Variants in CADPS observed in about 807,000 individuals in gnomAD.
The protein encoded by CADPS is calcium dependent secretion activator.
In CADPS, 57 loss-of-function variants were observed where a neutral mutation model predicts 167.3. The ratio of observed to expected loss-of-function variants is 0.34; its 90% CI spans 0.28 to 0.42. The LOEUF (loss-of-function observed/expected upper bound fraction) is 0.42. Ranked by LOEUF, CADPS falls within the 20% of genes least tolerant of loss-of-function variation. The probability of loss-of-function intolerance (pLI) is 1.00; values close to 1 mark genes in which losing one functional copy is unlikely to be tolerated. For missense variants in CADPS, 1,414 were observed against 1,738.1 expected (o/e 0.81, Z 3.32); for synonymous variants, 676 against 635.3 (o/e 1.06, Z -0.96).
chr3:62,510,564 G>T (rs1349710625), intron 17 of CADPS, among the ~76,000 whole-genome samples: 1 of 152,082 alleles, frequency 6.6e-6, no homozygotes, highest in African/African-American at 2.4e-5. Flanking sequence ...TGGAGGTACT[G>T]TAATTAAATT....
At chr3:62,668,443 C>T (rs1355358758) in intron 3 of CADPS, among the ~76,000 whole-genome samples, 1 of 152,142 alleles carries the variant, frequency 6.6e-6, no homozygotes, top group African/African-American at 2.4e-5. Flanking sequence ...CTAGCTTTCT[C>T]CTGCTGCCAG....
At chr3:62,847,158 T>A (rs1007616018) in intron 1 of CADPS, among the ~76,000 whole-genome samples, 12 of 152,242 alleles carry the variant, frequency 7.9e-5, no homozygotes, top group South Asian at 2.1e-4. Flanking sequence ...TTTGTTAATT[T>A]TTTGACTTTT....
chr3:62,846,720 G>A (rs2077500728), intron 1 of CADPS, among the ~76,000 whole-genome samples: 1 of 152,112 alleles, frequency 6.6e-6, no homozygotes, highest in Admixed American at 6.6e-5. Context: ...TAGGAGTGCA[G>A]TGGCACGATC....
Position 62,491,272 on chromosome 3 carries a change from C to G in CADPS, c.3026+67G>C, listed in dbSNP as rs539488814. 14 of 1,475,350 alleles carry G rather than the reference C, an allele frequency of 9.5e-6. No homozygotes were observed. In the South Asian group the frequency reaches 1.7e-4, roughly 18 times the overall value. The allele number at this position is 1,475,350 out of a possible 1,614,324, so 91.4% of individuals were successfully genotyped here. ...GTGAAACCCATATGACATCATTAAT[C>G]CATTTCTGTATTACTCTCCAGCCAT... is the stretch of plus-strand genomic sequence containing the variant. On this transcript the variant is annotated intron_variant, in intron 21 of 29. Transcript: ENST00000383710.
chr3:62,627,921 C>G (rs113400679), intron 6 of CADPS, among the ~76,000 whole-genome samples: 1 of 152,142 alleles, frequency 6.6e-6, no homozygotes, highest in Non-Finnish European at 1.5e-5. Flanking sequence ...AAATTCTAAT[C>G]GAGGATCCTC....
Position 62,491,476 on chromosome 3 carries a change from A to G in CADPS, c.2889T>C (p.Asn963=). The change falls in exon 21 of 30, where the codon AAT becomes AAC. Residue 963 remains asparagine, a synonymous_variant. Coordinates refer to ENST00000383710, the MANE Select transcript of CADPS (RefSeq NM_003716.4). ...LLNDFLRTDY[N]LCNGKFHKHL... ...GTTTGTGAAATTTTCCATTGCACAAATTATCTAGAACAGATAAGCAAAAGC... is the reference window on the plus strand; with the variant it reads ...GTTTGTGAAATTTTCCATTGCACAAGTTATCTAGAACAGATAAGCAAAAGC... The G allele has an allele frequency of 1.9e-6, 3 of 1,613,780 alleles. No individual in the cohort carries two copies. The highest frequency in any genetic ancestry group is 2.5e-6 in the Non-Finnish European group (3 of 1,179,908).
intron 3 of CADPS, among the ~76,000 whole-genome samples, chr3:62,708,066 T>C (rs896247498): frequency 2.0e-5 from 3 of 151,912 alleles, no homozygotes; most frequent in African/African-American, 7.3e-5. Flanking sequence ...TCTGGGACCA[T>C]AGGCACTAAC....
chr3:62,692,219 C>G (rs1157011775), intron 3 of CADPS, among the ~76,000 whole-genome samples: 1 of 151,886 alleles, frequency 6.6e-6, no homozygotes, highest in Non-Finnish European at 1.5e-5. Context: ...ACCCAGAACT[C>G]ACCCCAAAGC....
intron 1 of CADPS, among the ~76,000 whole-genome samples, chr3:62,797,671 A>G (rs77776698): frequency 6.6e-6 from 1 of 152,042 alleles, no homozygotes; most frequent in Non-Finnish European, 1.5e-5. Flanking sequence ...TTGGAGGGTG[A>G]AAGGTGGGAG....
chr3:62,839,673 C>A (rs2076374197), intron 1 of CADPS, among the ~76,000 whole-genome samples: 1 of 152,186 alleles, frequency 6.6e-6, no homozygotes, highest in East Asian at 1.9e-4. Flanking sequence ...TGGCGAAGGC[C>A]AGGATGGGAG....
rs1212456893 is a variant in CADPS, at chr3:62,731,805, C to CAAAAAAAAAAAAAAAAAA, written c.888+21618_888+21635dup. On this transcript the variant is annotated intron_variant, in intron 3 of 29. Coordinates refer to ENST00000383710, the MANE Select transcript of CADPS (RefSeq NM_003716.4). The stretch of plus-strand genomic sequence containing the variant: ...CCTGGTGAAAGAAACTGATCATATG[C>CAAAAAAAAAAAAAAAAAA]AAAAAAAAAAAAAAAAAAAAAAAAA... Among the ~76,000 whole-genome samples the CAAAAAAAAAAAAAAAAAA allele has an allele frequency of 1.2e-3, 33 of 27,132 alleles. 3 individuals carry two copies. Among genetic ancestry groups the CAAAAAAAAAAAAAAAAAA allele is most frequent in the Non-Finnish European group, 2.0e-3 (31 of 15,708 alleles). The allele number at this position is 27,132 out of a possible 152,430, so 17.8% of individuals were successfully genotyped here.
chr3:62,618,336 T>G (rs1488202071), intron 6 of CADPS, among the ~76,000 whole-genome samples: 1 of 152,124 alleles, frequency 6.6e-6, no homozygotes, highest in African/African-American at 2.4e-5. Flanking sequence ...TTCATTTATA[T>G]GGACTAATGA....
chr3:62,764,175 C>T (rs2086265344), intron 2 of CADPS, among the ~76,000 whole-genome samples: 2 of 152,282 alleles, frequency 1.3e-5, no homozygotes, highest in Admixed American at 1.3e-4. Flanking sequence ...TCTGCCATTA[C>T]TCTCCCATTG....
chr3:62,728,513 A>G (rs1371251985), intron 3 of CADPS, among the ~76,000 whole-genome samples: 1 of 151,836 alleles, frequency 6.6e-6, no homozygotes, highest in African/African-American at 2.4e-5. Context: ...CCCCTTCACA[A>G]ATAATTGTTA....
intron 1 of CADPS, among the ~76,000 whole-genome samples, chr3:62,817,936 G>A (rs1559764419): frequency 6.6e-6 from 1 of 152,130 alleles, no homozygotes; most frequent in Admixed American, 6.6e-5. Context: ...GGTTTAGGAT[G>A]CTGCTACAAA....
chr3:62,707,872 A>G (rs2082614847), intron 3 of CADPS, among the ~76,000 whole-genome samples: 1 of 151,956 alleles, frequency 6.6e-6, no homozygotes, highest in Non-Finnish European at 1.5e-5. Context: ...TTATATTTGT[A>G]TTGAACAGTG....
intron 17 of CADPS, among the ~76,000 whole-genome samples, chr3:62,508,280 T>A (rs1210657516): frequency 6.6e-6 from 1 of 152,194 alleles, no homozygotes; most frequent in Non-Finnish European, 1.5e-5. Flanking sequence ...CACTGACTAC[T>A]CATTTTTTTT....
At chr3:62,755,337 C>T (rs1299206839) in intron 2 of CADPS, among the ~76,000 whole-genome samples, 5 of 152,136 alleles carry the variant, frequency 3.3e-5, no homozygotes, top group Non-Finnish European at 5.9e-5. Flanking sequence ...GCCCACCATT[C>T]GGAAGCTTAC....
rs2077040645 is a variant in CADPS, at chr3:62,549,790, C to A, written c.1966+113G>T. On this transcript the variant is annotated intron_variant, in intron 11 of 29. Transcript: ENST00000383710. ...CCCTGAATTCACTATATGTTTTCAG[C>A]AAACATGATTTTATAAATTTTAAGT... is the stretch of plus-strand genomic sequence containing the variant. 1.4e-5 allele frequency: 12 copies of A among 829,650 alleles called. No homozygotes were observed. In the South Asian group the frequency reaches 2.2e-4, roughly 15 times the overall value. The allele number at this position is 829,650 out of a possible 1,614,324, so 51.4% of individuals were successfully genotyped here.
Sources: gnomAD v4.1 joint callset for allele counts (sites outside exome capture counted in the v4.1 genomes callset) on GRCh38, gnomAD v4.1.1 for gene constraint, MANE v1.5 for transcripts, NCBI Gene and HGNC (gene_info 2026-07-23, HGNC 2026-07-21) for gene names.